UBE2V2: variants seen among roughly 807,000 people sequenced by gnomAD.
UBE2V2 encodes ubiquitin conjugating enzyme E2 V2, also known as ubiquitin-conjugating enzyme E2 variant 2.
In UBE2V2, 9 loss-of-function variants were observed where a neutral mutation model predicts 17.2. The ratio of observed to expected loss-of-function variants is 0.52; its 90% CI spans 0.32 to 0.91. The LOEUF is 0.91. Ranked by LOEUF, UBE2V2 falls within the 40% of genes least tolerant of loss-of-function variation. The pLI, the probability that UBE2V2 is intolerant of heterozygous loss-of-function variation, is 0.04. For missense variants in UBE2V2, 133 were observed against 182.6 expected, an observed-to-expected ratio of 0.73 and a Z score of 1.56; for synonymous variants, 61 against 57.5, an observed-to-expected ratio of 1.06 and a Z score of -0.28.
At chr8:48,039,111 G>A (rs868744171) in intron 1 of UBE2V2, among the ~76,000 whole-genome samples, 1 of 151,874 alleles carries the variant, frequency 6.6e-6, no homozygotes, top group Non-Finnish European at 1.5e-5. Flanking sequence ...TGCTGGCCAG[G>A]CTGGTCTCGA....
intron 3 of UBE2V2, among the ~76,000 whole-genome samples, chr8:48,057,057 T>G (rs2091578147): frequency 6.6e-6 from 1 of 152,174 alleles, no homozygotes; most frequent in Non-Finnish European, 1.5e-5. Context: ...AACTTTGTTC[T>G]TCTTTTTTTA....
At chr8:48,012,004 TG>T (rs1395786825) in intron 1 of UBE2V2, among the ~76,000 whole-genome samples, 1 of 152,156 alleles carries the variant, frequency 6.6e-6, no homozygotes, top group African/African-American at 2.4e-5. Context: ...CTTCTTATTT[TG>T]CAGATGAGAA....
chr8:48,063,889 A>C lies in UBE2V2; in HGVS notation c.*3061A>C, dbSNP rs1191884725. 6.6e-6 allele frequency: 1 copy of C among 152,226 alleles called. No homozygotes were observed. Among genetic ancestry groups the C allele is most frequent in the Non-Finnish European group, 1.5e-5 (1 of 68,042 alleles). 9.4% of individuals were successfully genotyped at this position (152,226 alleles called of 1,614,324 possible). On this transcript the variant is annotated 3_prime_UTR_variant, in exon 4 of 4. Coordinates refer to ENST00000523111, the MANE Select transcript of UBE2V2 (RefSeq NM_003350.3). ...GTTGATTTTAATGTTAATTCCCACT[A>C]AATATATAATATTGATAAATACATG... is the stretch of plus-strand genomic sequence containing the variant.
At chr8:48,050,868 ATT>A (rs1028289245) in intron 3 of UBE2V2, among the ~76,000 whole-genome samples, 51 of 152,032 alleles carry the variant, frequency 3.4e-4, no homozygotes, top group African/African-American at 1.2e-3. Flanking sequence ...GCTGAGCATC[ATT>A]GTCTATTTAT....
chr8:48,014,909 G>A (rs939495592), intron 1 of UBE2V2, among the ~76,000 whole-genome samples: 10 of 151,568 alleles, frequency 6.6e-5, no homozygotes, highest in Admixed American at 2.0e-4. Flanking sequence ...AACTAGCCGG[G>A]CGTGGTGACA....
intron 1 of UBE2V2, among the ~76,000 whole-genome samples, chr8:48,035,629 TTTTGTGTGTGTGTGTG>T (rs1362859734): frequency 2.2e-5 from 3 of 133,338 alleles, no homozygotes. Flanking sequence ...GTTTTTTTTT[TTTTGTGTGTGTGTGTG>T]TGTGTGTGTG....
Position 48,060,173 on chromosome 8 carries a change from G to A in UBE2V2, c.292-509G>A, listed in dbSNP as rs1802572474. Among the ~76,000 whole-genome samples the A allele has an allele frequency of 2.3e-5, 3 of 128,496 alleles. No individual in the cohort carries two copies. The Admixed American group carries it at 2.9e-4, about 12-fold the overall frequency. 84.3% of individuals were successfully genotyped at this position (128,496 alleles called of 152,430 possible). On this transcript the variant is annotated intron_variant, in intron 3 of 3. Coordinates refer to ENST00000523111, the MANE Select transcript of UBE2V2 (RefSeq NM_003350.3). ...TGCAGTGAGCCAGGATCGCACCACT[G>A]TACTCCAGCCTGGGTGACAGAGTGA...
At chr8:48,021,373 C>T (rs2091304406) in intron 1 of UBE2V2, among the ~76,000 whole-genome samples, 1 of 142,836 alleles carries the variant, frequency 7.0e-6, no homozygotes, top group African/African-American at 2.6e-5. Flanking sequence ...GTGGTGCAAT[C>T]TTGGCTCACT....
At chr8:48,047,693 G>C (rs1397071445) in intron 2 of UBE2V2, among the ~76,000 whole-genome samples, 1 of 151,982 alleles carries the variant, frequency 6.6e-6, no homozygotes, top group Non-Finnish European at 1.5e-5. Context: ...GACTAGCTGG[G>C]ATTACAGGCG....
chr8:48,049,772 T>C, intron 2 of UBE2V2, 81 bp from the exon 3 acceptor site: 1 of 1,323,430 alleles, frequency 7.6e-7, no homozygotes, highest in Non-Finnish European at 1.0e-6. Context: ...TATTGTACTT[T>C]CCCTTTTTTT....
chr8:48,001,031 A>T, the UBE2V2 span, among the ~76,000 whole-genome samples: 1 of 152,082 alleles, frequency 6.6e-6, no homozygotes, highest in Non-Finnish European at 1.5e-5. Context: ...AGTAAACAGC[A>T]CTTTGTGGAT....
chr8:48,026,074 A>G (rs938957612), intron 1 of UBE2V2, among the ~76,000 whole-genome samples: 1 of 151,908 alleles, frequency 6.6e-6, no homozygotes, highest in Non-Finnish European at 1.5e-5. Context: ...ACCCTTTAGA[A>G]TATTTAGTAC....
intron 1 of UBE2V2, among the ~76,000 whole-genome samples, chr8:48,038,833 C>G (rs2091442054): frequency 6.6e-6 from 1 of 151,906 alleles, no homozygotes; most frequent in Non-Finnish European, 1.5e-5. Flanking sequence ...CTGTGTTGAC[C>G]AGGCTGGTGT....
At chr8:48,057,419 G>C (rs1245421178) in intron 3 of UBE2V2, among the ~76,000 whole-genome samples, 1 of 151,340 alleles carries the variant, frequency 6.6e-6, no homozygotes, top group African/African-American at 2.4e-5. Flanking sequence ...CCTGTGTCTC[G>C]GCCTCCCAAG....
At position 48,025,822 on chromosome 8, in the gene UBE2V2, AATCTCC is replaced by A. The variant is rs566818188; in HGVS notation, c.17-17210_17-17205del. Among the ~76,000 whole-genome samples the A allele has an allele frequency of 9.4e-3, 1,422 of 151,038 alleles. 10 individuals are homozygous for A. The highest frequency in any genetic ancestry group is 0.02 in the South Asian group (95 of 4,772). ...TCTCCGTGTTAGCCAGGATGGTCTC[AATCTCC>A]TGACCTCGTGATCCGCCTGCCTTGG... is the stretch of plus-strand genomic sequence containing the variant. On this transcript the variant is annotated intron_variant, in intron 1 of 3. Coordinates refer to ENST00000523111, the MANE Select transcript of UBE2V2 (RefSeq NM_003350.3).
intron 1 of UBE2V2, among the ~76,000 whole-genome samples, chr8:48,023,930 C>G (rs2091322366): frequency 6.6e-6 from 1 of 152,094 alleles, no homozygotes; most frequent in Non-Finnish European, 1.5e-5. Context: ...ACGTAGTTCA[C>G]TTTTTCAAAG....
intron 1 of UBE2V2, among the ~76,000 whole-genome samples, chr8:48,029,255 G>A (rs531892213): frequency 6.6e-6 from 1 of 152,302 alleles, no homozygotes; most frequent in South Asian, 2.1e-4. Context: ...CTTGTGCCCA[G>A]AAGTTCGAGG....
At chr8:48,050,217 G>T in intron 3 of UBE2V2, 1 of 263,284 alleles carries the variant, frequency 3.8e-6, no homozygotes, top group Admixed American at 5.3e-5. Context: ...GATGCATGTG[G>T]TGGTTAAAAC....
At chr8:48,005,022 C>CTT (rs111769503), upstream of UBE2V2, among the ~76,000 whole-genome samples, 94 of 138,236 alleles carry the variant, frequency 6.8e-4, no homozygotes, top group African/African-American at 2.2e-3. Flanking sequence ...ACTTTTTCTC[C>CTT]TTTTTTTTTT....
Sources: allele counts gnomAD v4.1 joint callset (sites outside exome capture counted in the v4.1 genomes callset), GRCh38; gene constraint gnomAD v4.1.1; transcripts MANE v1.5; gene names NCBI Gene and HGNC (gene_info 2026-07-23, HGNC 2026-07-21).